The following ZBTB20 variants were observed in gnomAD, a reference collection of about 807,000 sequenced individuals.
The protein encoded by ZBTB20 is zinc finger and BTB domain-containing protein 20.
ZBTB20 carries 9 observed loss-of-function variants against 56.9 expected under a neutral mutation model. The observed-to-expected ratio is 0.16, with a 90% CI of 0.10 to 0.28. The LOEUF (loss-of-function observed/expected upper bound fraction) is 0.28. Ranked by LOEUF, ZBTB20 falls within the 10% of genes least tolerant of loss-of-function variation. ZBTB20 has a pLI of 1.00. For synonymous variants in ZBTB20, 417 were observed against 420.7 expected (o/e 0.99, Z 0.11); for missense variants, 655 against 1,003.0 (o/e 0.65, Z 4.69).
chr3:114,645,518 G>T (rs1253343367), intron 6 of ZBTB20, among the ~76,000 whole-genome samples: 3 of 152,042 alleles, frequency 2.0e-5, no homozygotes, highest in Non-Finnish European at 4.4e-5. Flanking sequence ...TGCTTCAACT[G>T]TAGTTTCAGC....
At chr3:114,737,136 G>A (rs568615255) in intron 5 of ZBTB20, among the ~76,000 whole-genome samples, 2 of 152,216 alleles carry the variant, frequency 1.3e-5, no homozygotes, top group South Asian at 4.2e-4. Context: ...ATTAATATTA[G>A]AACCCATGTT....
chr3:114,428,562 C>T (rs1255861216), intron 7 of ZBTB20, among the ~76,000 whole-genome samples: 1 of 152,120 alleles, frequency 6.6e-6, no homozygotes, highest in African/African-American at 2.4e-5. Context: ...GGTCTGGCTG[C>T]CCCCACCATG....
chr3:115,114,830 T>C (rs1040932744), intron 1 of ZBTB20, among the ~76,000 whole-genome samples: 1 of 152,120 alleles, frequency 6.6e-6, no homozygotes, highest in Non-Finnish European at 1.5e-5. Flanking sequence ...TATGTTATTT[T>C]TCAAAAATAT....
At chr3:114,361,660 G>A (rs1460285119) in intron 10 of ZBTB20, among the ~76,000 whole-genome samples, 3 of 152,156 alleles carry the variant, frequency 2.0e-5, no homozygotes, top group Admixed American at 6.5e-5. Context: ...ACCCAGAATG[G>A]GTAAGGAGAG....
chr3:115,112,836 G>A (rs2083917557), intron 1 of ZBTB20, among the ~76,000 whole-genome samples: 1 of 152,132 alleles, frequency 6.6e-6, no homozygotes, highest in African/African-American at 2.4e-5. Context: ...TTGCAATAGA[G>A]AGATCTGTTT....
At chr3:114,377,739 C>T (rs1162408820) in intron 10 of ZBTB20, among the ~76,000 whole-genome samples, 4 of 152,128 alleles carry the variant, frequency 2.6e-5, no homozygotes, top group Non-Finnish European at 2.9e-5. Flanking sequence ...AAACACCCCT[C>T]GGTACCCAAA....
chr3:114,609,331 G>A (rs1229739367), intron 6 of ZBTB20, among the ~76,000 whole-genome samples: 6 of 152,158 alleles, frequency 3.9e-5, no homozygotes, highest in African/African-American at 9.7e-5. Flanking sequence ...TGAGATGGAG[G>A]AGCAATGACT....
intron 2 of ZBTB20, among the ~76,000 whole-genome samples, chr3:115,043,601 TAAAATAAAATAAAATAAAATA>T (rs1434384901): frequency 7.1e-6 from 1 of 140,802 alleles, no homozygotes; most frequent in East Asian, 2.0e-4. Flanking sequence ...TAAAATAAAA[TAAAATAAAATAAAATAAAATA>T]AAATAAAATA....
chr3:114,751,390 A>C (rs540452955), intron 5 of ZBTB20, among the ~76,000 whole-genome samples: 1 of 152,268 alleles, frequency 6.6e-6, no homozygotes, highest in South Asian at 2.1e-4. Context: ...CATTCTCTTA[A>C]AATCACTTAA....
chr3:114,753,526 C>T (rs1274812587), intron 5 of ZBTB20, among the ~76,000 whole-genome samples: 3 of 151,062 alleles, frequency 2.0e-5, no homozygotes, highest in African/African-American at 4.9e-5. Context: ...CCTCCGCCTC[C>T]CGAGTTCAAG....
intron 5 of ZBTB20, among the ~76,000 whole-genome samples, chr3:114,704,799 CAA>C (rs1244717635): frequency 6.6e-6 from 1 of 152,124 alleles, no homozygotes; most frequent in Non-Finnish European, 1.5e-5. Flanking sequence ...AAGTTTTACC[CAA>C]GTCTCTGCCT....
chr3:114,625,390 C>A (rs1247808672), intron 6 of ZBTB20, among the ~76,000 whole-genome samples: 1 of 152,126 alleles, frequency 6.6e-6, no homozygotes, highest in Non-Finnish European at 1.5e-5. Context: ...GAAATGGTGA[C>A]TTCCTATATA....
chr3:114,959,397 G>C (rs190620493), intron 3 of ZBTB20, among the ~76,000 whole-genome samples: 76 of 152,268 alleles, frequency 5.0e-4, no homozygotes, highest in Non-Finnish European at 8.8e-4. Flanking sequence ...AGATCACATA[G>C]TGGAATGTCT....
intron 6 of ZBTB20, among the ~76,000 whole-genome samples, chr3:114,585,890 A>G (rs549808089): frequency 6.6e-6 from 1 of 152,348 alleles, no homozygotes; most frequent in Admixed American, 6.5e-5. Flanking sequence ...AAGGGTCTAG[A>G]ACAGGAAGAT....
chr3:114,513,749 A>G (rs1045933982), intron 6 of ZBTB20, among the ~76,000 whole-genome samples: 1 of 152,140 alleles, frequency 6.6e-6, no homozygotes, highest in African/African-American at 2.4e-5. Flanking sequence ...AAAGAAAATC[A>G]CTACTTTTTC....
intron 6 of ZBTB20, among the ~76,000 whole-genome samples, chr3:114,566,464 T>C (rs1315912585): frequency 2.0e-5 from 3 of 152,300 alleles, no homozygotes; most frequent in African/African-American, 7.2e-5. Flanking sequence ...TGCTACTTAT[T>C]TATCTCAAGT....
chr3:115,054,062 T>C (rs2081659272), intron 2 of ZBTB20, among the ~76,000 whole-genome samples: 1 of 152,164 alleles, frequency 6.6e-6, no homozygotes, highest in African/African-American at 2.4e-5. Flanking sequence ...TTCTGCTTTG[T>C]AAAATTAAAT....
chr3:114,761,001 A>C (rs1379255553), intron 5 of ZBTB20, among the ~76,000 whole-genome samples: 1 of 152,030 alleles, frequency 6.6e-6, no homozygotes, highest in East Asian at 1.9e-4. Flanking sequence ...ATACTCCTAA[A>C]CCCCCAAAAA....
At chr3:114,399,987 G>A (rs1576594901) in intron 7 of ZBTB20, among the ~76,000 whole-genome samples, 1 of 152,216 alleles carries the variant, frequency 6.6e-6, no homozygotes, top group Non-Finnish European at 1.5e-5. Context: ...GGGTGAAGAG[G>A]AAGGAAAGGG....
Sources: gnomAD v4.1 joint callset for allele counts (sites outside exome capture counted in the v4.1 genomes callset) on GRCh38, gnomAD v4.1.1 for gene constraint, MANE v1.5 for transcripts, NCBI Gene and HGNC (gene_info 2026-07-23, HGNC 2026-07-21) for gene names.